Variants in ARG1 observed in about 807,000 individuals in gnomAD.
The protein encoded by ARG1 is arginase-1.
In ARG1, 20 loss-of-function variants were observed where a neutral mutation model predicts 33.0. The observed-to-expected ratio is 0.61, with a 90% CI of 0.43 to 0.88. The LOEUF (loss-of-function observed/expected upper bound fraction) is 0.88, where lower values mean the gene tolerates loss of function less well. Ranked by LOEUF, ARG1 falls within the 40% of genes least tolerant of loss-of-function variation. The pLI, the probability that ARG1 is intolerant of heterozygous loss-of-function variation, is 0.00. For synonymous variants in ARG1, 146 were observed against 140.6 expected (o/e 1.04, Z -0.27); for missense variants, 374 against 384.7 (o/e 0.97, Z 0.23).
At chr6:131,577,626 G>A (rs1470121347) in intron 2 of ARG1, among the ~76,000 whole-genome samples, 1 of 151,894 alleles carries the variant, frequency 6.6e-6, no homozygotes, top group Non-Finnish European at 1.5e-5. Context: ...GACTGGTCGG[G>A]CACGGTGGCT....
chr6:131,583,055 T>C lies in ARG1; in HGVS notation c.561-5T>C, dbSNP rs768201589. 4.4e-6 allele frequency: 7 copies of C among 1,603,530 alleles called. No homozygotes were observed. The highest frequency in any genetic ancestry group is 6.0e-6 in the Non-Finnish European group (7 of 1,171,476). On this transcript the variant is annotated splice_region_variant and splice_polypyrimidine_tract_variant and intron_variant, in intron 5 of 7. Coordinates refer to ENST00000368087, the MANE Select transcript of ARG1 (RefSeq NM_000045.4). ...ATTATAATTATCTTAATTTCTCTTT[T>C]ATAGCTACATTTTGAAAACTCTAGG...
chr6:131,573,699 G>A (rs1476694504), intron 1 of ARG1, among the ~76,000 whole-genome samples: 2 of 152,178 alleles, frequency 1.3e-5, no homozygotes, highest in African/African-American at 4.8e-5. Context: ...TGTATGTAGA[G>A]GAAGAGAGAA....
At chr6:131,577,768 G>A (rs1773691959) in intron 2 of ARG1, among the ~76,000 whole-genome samples, 1 of 151,892 alleles carries the variant, frequency 6.6e-6, no homozygotes, top group Non-Finnish European at 1.5e-5. Flanking sequence ...AGCTGGGCGT[G>A]GTGGCATGAG....
Position 131,583,976 on chromosome 6 carries a change from C to CA in ARG1, c.*69dup. Reference sequence around the variant, plus strand: ...TTAGAAAGCTAATCATTTTCTTAAGCATAGAGTTATCCTTCTAAAGACTTG... The same window carrying CA: ...TTAGAAAGCTAATCATTTTCTTAAGCAATAGAGTTATCCTTCTAAAGACTTG... On this transcript the variant is annotated 3_prime_UTR_variant, in exon 8 of 8. Coordinates refer to ENST00000368087, the MANE Select transcript of ARG1 (RefSeq NM_000045.4). 1 of 1,550,076 alleles carries CA rather than the reference C, an allele frequency of 6.5e-7. No homozygotes were observed. The highest frequency in any genetic ancestry group is 8.9e-7 in the Non-Finnish European group (1 of 1,126,080).
chr6:131,583,951 T>C lies in ARG1; in HGVS notation c.*43T>C. 6.3e-7 allele frequency: 1 copy of C among 1,596,624 alleles called. No individual in the cohort carries two copies. ...ATAAATCTCATAGTTAATGGCATAA[T>C]TAGAAAGCTAATCATTTTCTTAAGC... is the stretch of plus-strand genomic sequence containing the variant. On this transcript the variant is annotated 3_prime_UTR_variant, in exon 8 of 8. Transcript: ENST00000368087.
intron 2 of ARG1, 122 bp downstream of exon 2, chr6:131,576,857 A>T: frequency 1.2e-6 from 1 of 834,450 alleles, no homozygotes; most frequent in Non-Finnish European, 2.0e-6. Context: ...ACTGGTTACA[A>T]CCCGAGAAAC....
intron 2 of ARG1, 112 bp downstream of exon 2, chr6:131,576,847 A>G (rs1028546221): frequency 2.6e-5 from 24 of 931,328 alleles, no homozygotes; most frequent in South Asian, 6.9e-5. Context: ...GAATTGCGGT[A>G]CTGGTTACAA....
Position 131,583,943 on chromosome 6 carries a change from T to C in ARG1, c.*35T>C, listed in dbSNP as rs1428993393. 4.4e-6 allele frequency: 7 copies of C among 1,604,024 alleles called. No individual in the cohort carries two copies. The highest frequency in any genetic ancestry group is 6.0e-6 in the Non-Finnish European group (7 of 1,171,242). On this transcript the variant is annotated 3_prime_UTR_variant, in exon 8 of 8. Coordinates refer to ENST00000368087, the MANE Select transcript of ARG1 (RefSeq NM_000045.4). Reference sequence around the variant, plus strand: ...CATCCGATATAAATCTCATAGTTAATGGCATAATTAGAAAGCTAATCATTT... The same window carrying C: ...CATCCGATATAAATCTCATAGTTAACGGCATAATTAGAAAGCTAATCATTT...
chr6:131,574,691 G>T (rs572026688), intron 1 of ARG1, among the ~76,000 whole-genome samples: 2 of 152,144 alleles, frequency 1.3e-5, no homozygotes, highest in African/African-American at 4.8e-5. Context: ...GGAGGTACAA[G>T]TTTGACAAAT....
rs1774080821 is a variant in ARG1 at position 131,584,096 on chromosome 6, T to A, written c.*188T>A. On this transcript the variant is annotated 3_prime_UTR_variant, in exon 8 of 8. Transcript: ENST00000368087. Reference sequence around the variant, plus strand: ...TGTGGAAATTCTAACTTTTTTGAAATTTAAAAGCTTATATTTTCTAACTTG... The same window carrying A: ...TGTGGAAATTCTAACTTTTTTGAAAATTAAAAGCTTATATTTTCTAACTTG... 11 of 662,300 alleles carry A rather than the reference T, an allele frequency of 1.7e-5. No homozygotes were observed. Among genetic ancestry groups the A allele is most frequent in the Non-Finnish European group, 2.7e-5 (11 of 403,532 alleles). The allele number at this position is 662,300 out of a possible 1,614,324, so 41.0% of individuals were successfully genotyped here.
intron 4 of ARG1, among the ~76,000 whole-genome samples, chr6:131,582,200 G>A (rs1177571433): frequency 6.6e-6 from 1 of 152,162 alleles, no homozygotes; most frequent in Non-Finnish European, 1.5e-5. Context: ...AAACGTCCTG[G>A]AGGACAAAGC....
chr6:131,573,887 G>A, intron 1 of ARG1: 1 of 267,094 alleles, frequency 3.7e-6, no homozygotes, highest in South Asian at 5.0e-5. Flanking sequence ...GTTCATTCAT[G>A]GACTAGGTAG....
At chr6:131,581,699 T>C (rs530009746) in intron 4 of ARG1, among the ~76,000 whole-genome samples, 4 of 152,338 alleles carry the variant, frequency 2.6e-5, no homozygotes, top group South Asian at 2.1e-4. Flanking sequence ...GCCAAGCCTA[T>C]AGTGAAGCAA....
chr6:131,579,819 CTTTG>C (rs1256728173), intron 3 of ARG1, among the ~76,000 whole-genome samples: 5 of 151,180 alleles, frequency 3.3e-5, no homozygotes, highest in Non-Finnish European at 4.4e-5. Flanking sequence ...TACATGATGA[CTTTG>C]TTTAACGTGT....
intron 1 of ARG1, chr6:131,574,288 AC>A (rs1253623163): frequency 6.2e-7 from 1 of 1,613,966 alleles, no homozygotes. Context: ...GTGTACTCTG[AC>A]TTTTTACTGC....
chr6:131,582,710 G>A lies in ARG1; in HGVS notation c.555G>A (p.Gly185=), dbSNP rs2114546024. ...TTGGCTTGAGAGACGTGGACCCTGGGGAACAGTAAGCTTATTCCTTGATGT... is the reference window on the plus strand; with the variant it reads ...TTGGCTTGAGAGACGTGGACCCTGGAGAACAGTAAGCTTATTCCTTGATGT... ...VYIGLRDVDP[G]EHYILKTLGI... Residue 185 remains glycine (G), a synonymous_variant, in exon 5 of 8, where the codon GGG becomes GGA. Transcript: ENST00000368087. The A allele has an allele frequency of 6.2e-7, 1 of 1,613,486 alleles. No homozygotes were observed. Among genetic ancestry groups the A allele is most frequent in the South Asian group, 1.1e-5 (1 of 91,052 alleles).
chr6:131,575,955 T>C (rs1305354074), intron 1 of ARG1, among the ~76,000 whole-genome samples: 1 of 152,216 alleles, frequency 6.6e-6, no homozygotes. Context: ...CCAAGAGCTC[T>C]AGCTTACTTA....
chr6:131,579,097 C>CT lies in ARG1; in HGVS notation c.131-9dup, dbSNP rs1160133142. 6.2e-7 allele frequency: 1 copy of CT among 1,613,624 alleles called. No individual in the cohort carries two copies. The highest frequency in any genetic ancestry group is 8.5e-7 in the Non-Finnish European group (1 of 1,179,792). On this transcript the variant is annotated splice_polypyrimidine_tract_variant and intron_variant, in intron 2 of 7. Transcript: ENST00000368087. ...TACTTTTTAATTTAGTAACTCAAAA[C>CT]TTTTTAATTTTAGAGTGTGATGTGA...
chr6:131,574,299 CA>C, intron 1 of ARG1: 1 of 1,613,902 alleles, frequency 6.2e-7, no homozygotes, highest in South Asian at 1.1e-5. Flanking sequence ...CTTTTTACTG[CA>C]AAACAAATTG....
Sources: gnomAD v4.1 joint callset for allele counts (sites outside exome capture counted in the v4.1 genomes callset) on GRCh38, gnomAD v4.1.1 for gene constraint, MANE v1.5 for transcripts, NCBI Gene and HGNC (gene_info 2026-07-23, HGNC 2026-07-21) for gene names.